The following TPRX1 variants were observed in gnomAD, a reference collection of about 807,000 sequenced individuals.
The protein encoded by TPRX1 is tetrapeptide repeat homeobox 1.
A neutral mutation model predicts 8.1 loss-of-function variants in TPRX1; 2 were observed. The observed-to-expected ratio is 0.25, with a 90% CI of 0.10 to 0.78. TPRX1 has a LOEUF of 0.78. TPRX1 is among the 30% of genes least tolerant of loss of function. The pLI, the probability that TPRX1 is intolerant of heterozygous loss-of-function variation, is 0.70. For missense variants in TPRX1, 517 were observed against 586.9 expected, an observed-to-expected ratio of 0.88 and a Z score of 1.23; for synonymous variants, 257 against 254.1, an observed-to-expected ratio of 1.01 and a Z score of -0.11.
intron 2 of TPRX1, among the ~76,000 whole-genome samples, chr19:47,809,687 T>G (rs1465619024): frequency 6.6e-6 from 1 of 152,192 alleles, no homozygotes; most frequent in East Asian, 1.9e-4. Context: ...TAATTATTAT[T>G]TTTTAATGGA....
chr19:47,807,059 C>G (rs1410621439), intron 2 of TPRX1, among the ~76,000 whole-genome samples: 1 of 151,994 alleles, frequency 6.6e-6, no homozygotes, highest in African/African-American at 2.4e-5. Context: ...CATGCACCAC[C>G]ACGCCCAGCT....
chr19:47,802,366 GATTGGGCCTGA>G lies in TPRX1; in HGVS notation c.925_935del (p.Ser309LeufsTer165), dbSNP rs1967679440. The G allele has an allele frequency of 4.6e-6, 6 of 1,293,626 alleles. No individual in the cohort carries two copies. The Admixed American group carries it at 9.6e-5, about 21-fold the overall frequency. The allele number at this position is 1,293,626 out of a possible 1,614,324, so 80.1% of individuals were successfully genotyped here. A position where few individuals can be genotyped will look rare whatever the true frequency, so the allele number is the denominator to read the frequency against. ...GGATCGGGCCTGGGTTTGGGCCTGA[GATTGGGCCTGA>G]GATTGGGCCTGGGATCGGGCCTGGG... On this transcript the variant is annotated frameshift_variant, in exon 4 of 4. Coordinates refer to ENST00000535759, the Ensembl canonical transcript of TPRX1. LOFTEE classifies it low-confidence loss of function (END_TRUNC).
intron 1 of TPRX1, chr19:47,818,611 G>A: frequency 4.4e-6 from 2 of 454,790 alleles, no homozygotes; most frequent in South Asian, 3.1e-5. Flanking sequence ...AATGTGTTAG[G>A]GAGCTAAGGG....
At chr19:47,803,221 G>A (rs992567959) in intron 3 of TPRX1, among the ~76,000 whole-genome samples, 10 of 151,868 alleles carry the variant, frequency 6.6e-5, no homozygotes, top group Admixed American at 3.9e-4. Context: ...AGGTGCCCGG[G>A]GGGCCAGGGA....
At chr19:47,813,893 A>AG (rs1376361101) in intron 2 of TPRX1, among the ~76,000 whole-genome samples, 1 of 123,588 alleles carries the variant, frequency 8.1e-6, no homozygotes, top group East Asian at 2.8e-4. Flanking sequence ...GACGGCCACC[A>AG]GGGGGCGGCA....
chr19:47,802,292 G>C lies in TPRX1; in HGVS notation c.1010C>G (p.Pro337Arg), dbSNP rs762365298. 1.1e-5 allele frequency: 14 copies of C among 1,329,832 alleles called. No homozygotes were observed. In the South Asian group the frequency reaches 1.4e-4, roughly 13 times the overall value. The allele number at this position is 1,329,832 out of a possible 1,614,324, so 82.4% of individuals were successfully genotyped here. ...TGGGTTCGGGCCTGAGATTGGGCCT[G>C]GGATCGGGCCTGGGTTCGGGCCTGA... Residue 337 changes from proline (P) to arginine (R), a missense_variant, in exon 4 of 4, where the codon CCA becomes CGA. Physicochemically the swap from Pro to Arg is moderately radical, Grantham distance 103 (BLOSUM62 -2). Transcript: ENST00000535759.
chr19:47,805,907 C>T (rs879317898), intron 2 of TPRX1, among the ~76,000 whole-genome samples: 17 of 152,204 alleles, frequency 1.1e-4, no homozygotes, highest in Non-Finnish European at 2.5e-4. Flanking sequence ...CTGAAAACAT[C>T]GATCCACTGA....
chr19:47,813,150 TA>T lies in TPRX1; in HGVS notation c.151+5317del, dbSNP rs1425478520. On this transcript the variant is annotated intron_variant, in intron 2 of 3. Transcript: ENST00000535759. Reference sequence around the variant, plus strand: ...AAATAAATAAATAAATAATAATAAATAAAACAACCCCCCCCACCCCGCCAAA... The same window carrying T: ...AAATAAATAAATAAATAATAATAAATAAACAACCCCCCCCACCCCGCCAAA... Among the ~76,000 whole-genome samples the T allele has an allele frequency of 6.5e-5, 8 of 123,554 alleles. No homozygotes were observed. In the East Asian group the frequency reaches 1.6e-3, roughly 24 times the overall value. 81.1% of individuals were successfully genotyped at this position (123,554 alleles called of 152,430 possible). A position where few individuals can be genotyped will look rare whatever the true frequency, so the allele number is the denominator to read the frequency against.
intron 2 of TPRX1, among the ~76,000 whole-genome samples, chr19:47,809,418 G>T (rs535193713): frequency 1.3e-4 from 19 of 151,914 alleles, no homozygotes; most frequent in Non-Finnish European, 2.5e-4. Context: ...GTAGCTGAGA[G>T]GACAGGCGCA....
At chr19:47,814,492 TAAAAAA>T (rs1246832966) in intron 2 of TPRX1, among the ~76,000 whole-genome samples, 1 of 152,138 alleles carries the variant, frequency 6.6e-6, no homozygotes, top group Non-Finnish European at 1.5e-5. Context: ...GACCCTGTCT[TAAAAAA>T]TAAGAATAAA....
intron 2 of TPRX1, chr19:47,818,388 CT>C (rs1417546000): frequency 5.8e-6 from 2 of 342,988 alleles, no homozygotes; most frequent in Non-Finnish European, 1.1e-5. Flanking sequence ...CCATCCATCC[CT>C]CCATCCATCC....
At chr19:47,812,998 T>G (rs1007605397) in intron 2 of TPRX1, among the ~76,000 whole-genome samples, 3 of 151,608 alleles carry the variant, frequency 2.0e-5, no homozygotes, top group African/African-American at 7.3e-5. Context: ...TCCTAGCTAC[T>G]CAGGAGGTTG....
intron 2 of TPRX1, among the ~76,000 whole-genome samples, chr19:47,815,137 TATATATGCAAATATATA>T (rs1568617388): frequency 5.8e-4 from 65 of 111,726 alleles, no homozygotes; most frequent in African/African-American, 2.3e-3. Context: ...TATATATATA[TATATATGCAAATATATA>T]TATATATATT....
At chr19:47,809,288 CTT>C (rs1001762433) in intron 2 of TPRX1, among the ~76,000 whole-genome samples, 1 of 150,260 alleles carries the variant, frequency 6.7e-6, no homozygotes, top group East Asian at 1.9e-4. Flanking sequence ...TTTTTCTTTC[CTT>C]TTTTTTTGGA....
In TPRX1 at chr19:47,810,394, G is replaced by A. The variant is rs374623599; in HGVS notation, c.152-6721C>T. 1.7e-4 allele frequency among the ~76,000 whole-genome samples: 22 copies of A among 128,948 alleles called. 1 individual carries two copies. The East Asian group carries it at 4.0e-3, about 24-fold the overall frequency. The allele number at this position is 128,948 out of a possible 152,430, so 84.6% of individuals were successfully genotyped here. On this transcript the variant is annotated intron_variant, in intron 2 of 3. Coordinates refer to ENST00000535759, the Ensembl canonical transcript of TPRX1. ...GACAGAGTCTCGCTCTGTCGCCCAG[G>A]CTGGAGTGCAGTGGCCGGATCTTGG...
intron 2 of TPRX1, among the ~76,000 whole-genome samples, chr19:47,806,049 A>G (rs1435562562): frequency 1.3e-5 from 2 of 151,518 alleles, no homozygotes. Flanking sequence ...ACATGGCGAA[A>G]CCCTGTCTAC....
At chr19:47,810,870 G>C (rs944807621) in intron 2 of TPRX1, among the ~76,000 whole-genome samples, 20 of 151,756 alleles carry the variant, frequency 1.3e-4, no homozygotes, top group African/African-American at 4.8e-4. Context: ...AGATCAGAGT[G>C]GGGGTGACAA....
exon 4 of TPRX1, chr19:47,801,479 A>C: frequency 3.2e-6 from 1 of 312,026 alleles, no homozygotes; most frequent in Non-Finnish European, 5.8e-6. Flanking sequence ...GATGCTGACC[A>C]TCAGAAGCCC....
At chr19:47,817,134 C>T (rs910872720) in intron 2 of TPRX1, among the ~76,000 whole-genome samples, 3 of 152,196 alleles carry the variant, frequency 2.0e-5, no homozygotes, top group African/African-American at 7.2e-5. Flanking sequence ...CCTGAATGCT[C>T]ACAGCCACCT....
Sources: gnomAD v4.1 joint callset for allele counts (sites outside exome capture counted in the v4.1 genomes callset) on GRCh38, gnomAD v4.1.1 for gene constraint, MANE v1.5 for transcripts, NCBI Gene and HGNC (gene_info 2026-07-23, HGNC 2026-07-21) for gene names.